Variants in ATR observed in about 807,000 individuals in gnomAD.
ATR encodes the protein ATR checkpoint kinase, also known as serine/threonine-protein kinase ATR.
Under a neutral mutation model 305.3 loss-of-function variants are expected in ATR, and 142 were observed. The ratio of observed to expected loss-of-function variants is 0.47; its 90% CI spans 0.41 to 0.53. The LOEUF (loss-of-function observed/expected upper bound fraction) is 0.53, where lower values mean the gene tolerates loss of function less well. Ranked by LOEUF, ATR falls within the 20% of genes least tolerant of loss-of-function variation. ATR has a pLI of 0.00. For missense variants in ATR, 2,135 were observed against 3,133.1 expected (o/e 0.68, Z 7.60); for synonymous variants, 1,050 against 1,068.1 (o/e 0.98, Z 0.33).
In ATR at chr3:142,515,377, C is replaced by T; in HGVS notation, c.4503+18G>A. On this transcript the variant is annotated intron_variant, in intron 25 of 46. Transcript: ENST00000350721. ...TTAGAATTTCCATTCAGTTAACAAA[C>T]TGAACAGGGTTTCTTACCTTTGTAA... 5.0e-6 allele frequency: 8 copies of T among 1,613,620 alleles called. No individual in the cohort carries two copies. The highest frequency in any genetic ancestry group is 6.8e-6 in the Non-Finnish European group (8 of 1,179,732).
At chr3:142,504,985 AG>A (rs2108354397) in intron 29 of ATR, among the ~76,000 whole-genome samples, 153 bp downstream of exon 29, 1 of 152,244 alleles carries the variant, frequency 6.6e-6, no homozygotes, top group East Asian at 1.9e-4. Flanking sequence ...CAGAGGTTGC[AG>A]TGAGCCAAGA....
In ATR at chr3:142,475,784, G is replaced by A. The variant is rs912081449; in HGVS notation, c.6222-5601C>T. ...GTTGTTTCCTGACTTTTTAATGATC[G>A]CCATTCTAACTGGTGTGAGATGGTA... On this transcript the variant is annotated intron_variant, in intron 36 of 46. Transcript: ENST00000350721. 3.5e-3 allele frequency among the ~76,000 whole-genome samples: 528 copies of A among 152,100 alleles called. 1 individual carries two copies. Among genetic ancestry groups the A allele is most frequent in the Non-Finnish European group, 4.9e-3 (330 of 67,986 alleles).
intron 36 of ATR, among the ~76,000 whole-genome samples, chr3:142,484,207 C>T (rs1288386612): frequency 1.3e-5 from 2 of 152,134 alleles, no homozygotes; most frequent in African/African-American, 4.8e-5. Context: ...AGGATCCTGC[C>T]CCATATCCTA....
rs139224919 is a variant in ATR at position 142,553,361 on chromosome 3, G to C, written c.2671C>G (p.His891Asp). The change falls in exon 13 of 47, where the codon CAC (histidine) becomes GAC (aspartate). Residue 891 changes from histidine (H) to aspartate (D), a missense_variant. Coordinates refer to ENST00000350721, the MANE Select transcript of ATR (RefSeq NM_001184.4). ...KGDLVPFALLHLLHCLLSKSA... is the reference protein window; with the variant it reads ...KGDLVPFALLDLLHCLLSKSA... The stretch of plus-strand genomic sequence containing the variant: ...TTGGATAACAAACAATGCAATAAGT[G>C]TAAGAGTGCAAATGGTACCAAATCT... The C allele has an allele frequency of 1.9e-6, 3 of 1,613,834 alleles. No homozygotes were observed. The African/African-American group carries it at 4.0e-5, about 22-fold the overall frequency.
chr3:142,496,986 A>AT, intron 33 of ATR, 27 bp downstream of exon 33: 2 of 1,601,838 alleles, frequency 1.2e-6, no homozygotes, highest in Admixed American at 1.7e-5. Context: ...GATAAGTGAC[A>AT]TTTTTAAAAA....
In ATR at chr3:142,466,294, A is replaced by G. The variant is rs759381258; in HGVS notation, c.6897+30T>C. ...TGAAGTTTTTAACAACTAAATTTTA[A>G]AATCATAGTCATATAAAACTGAAGT... On this transcript the variant is annotated intron_variant, in intron 40 of 46. Coordinates refer to ENST00000350721, the MANE Select transcript of ATR (RefSeq NM_001184.4). The G allele has an allele frequency of 1.4e-5, 22 of 1,587,946 alleles. No individual in the cohort carries two copies. In the African/African-American group the frequency reaches 2.8e-4, roughly 20 times the overall value.
chr3:142,466,058 T>TA (rs888590395), intron 40 of ATR, among the ~76,000 whole-genome samples: 18 of 137,894 alleles, frequency 1.3e-4, no homozygotes, highest in African/African-American at 4.8e-4. Flanking sequence ...TGTGAAAAAA[T>TA]AAAGATTATA....
chr3:142,492,798 C>T (rs2031367115), intron 35 of ATR, among the ~76,000 whole-genome samples: 1 of 152,094 alleles, frequency 6.6e-6, no homozygotes, highest in Non-Finnish European at 1.5e-5. Context: ...ACAACACCAT[C>T]TATATAAAGT....
At chr3:142,535,037 T>A (rs1260052906) in intron 21 of ATR, 43 bp downstream of exon 21, 1 of 1,564,376 alleles carries the variant, frequency 6.4e-7, no homozygotes, top group East Asian at 2.3e-5. Flanking sequence ...AAGCCTCCAA[T>A]CTTTCTTTGT....
intron 16 of ATR, among the ~76,000 whole-genome samples, chr3:142,544,460 A>G (rs1559980728): frequency 7.0e-6 from 1 of 143,484 alleles, no homozygotes; most frequent in Non-Finnish European, 1.5e-5. Context: ...TCCAAAAAAA[A>G]AAAAAAAAAA....
Position 142,553,892 on chromosome 3 carries a change from A to G in ATR, c.2465T>C (p.Val822Ala), listed in dbSNP as rs1310621757. ...GTGCTTGATATTTCCACTAAAAGCCACTCTAACATCTTTGTCTGGATCTTC... is the reference window on the plus strand; with the variant it reads ...GTGCTTGATATTTCCACTAAAAGCCGCTCTAACATCTTTGTCTGGATCTTC... ...LMEDPDKDVR[V>A]AFSGNIKHIL... The change falls in exon 11 of 47, where the codon GTG becomes GCG. Residue 822 changes from valine to alanine, a missense_variant. This residue lies in a region of ATR where 530 missense variants were observed against 766.8 expected (regional missense o/e 0.69). Coordinates refer to ENST00000350721, the MANE Select transcript of ATR (RefSeq NM_001184.4). 1 of 1,613,318 alleles carries G rather than the reference A, an allele frequency of 6.2e-7. No individual in the cohort carries two copies. Among genetic ancestry groups the G allele is most frequent in the Non-Finnish European group, 8.5e-7 (1 of 1,179,650 alleles).
At chr3:142,452,603 G>T in intron 46 of ATR, 1 of 788,652 alleles carries the variant, frequency 1.3e-6, no homozygotes, top group Non-Finnish European at 1.5e-6. Flanking sequence ...GAACCCAGGA[G>T]GCAGAGGTTG....
At chr3:142,528,269 A>G (rs2033479631) in intron 21 of ATR, among the ~76,000 whole-genome samples, 1 of 152,210 alleles carries the variant, frequency 6.6e-6, no homozygotes, top group Non-Finnish European at 1.5e-5. Flanking sequence ...CTACGTATTT[A>G]TCTACTAACT....
rs982442318 is a variant in ATR, at chr3:142,531,362, G to A, written c.3945+3718C>T. On this transcript the variant is annotated intron_variant, in intron 21 of 46. Transcript: ENST00000350721. Reference sequence around the variant, plus strand: ...GTTGGTGTGCTGCACCCATTAACTCGTCATTTAACATTAGGTATATCTCCT... The same window carrying A: ...GTTGGTGTGCTGCACCCATTAACTCATCATTTAACATTAGGTATATCTCCT... Among the ~76,000 whole-genome samples the A allele has an allele frequency of 3.2e-4, 48 of 151,814 alleles. No individual in the cohort carries two copies. The South Asian group carries it at 3.3e-3, about 11-fold the overall frequency.
intron 20 of ATR, 143 bp from the exon 21 acceptor site, chr3:142,535,348 G>T: frequency 1.2e-6 from 1 of 852,400 alleles, no homozygotes; most frequent in Non-Finnish European, 1.7e-6. Context: ...TCCTTCCTTT[G>T]TACAGCACAA....
In ATR at chr3:142,499,710, C is replaced by T; in HGVS notation, c.5297G>A (p.Trp1766Ter). Residue 1766 changes from tryptophan (W) to a stop codon, truncating the protein, a stop_gained, in exon 31 of 47, where the codon TGG becomes TAG. Coordinates refer to ENST00000350721, the MANE Select transcript of ATR (RefSeq NM_001184.4). LOFTEE classifies it high-confidence loss of function. ...TCTGTACGTGTTTAATTCATCTGTC[C>T]ACTCGGACCTATTAAAAGAAACCCA... The part of the protein sequence containing the change: ...VNGVHANRSE[W>*]TDELNTYRVE... 1 of 1,613,952 alleles carries T rather than the reference C, an allele frequency of 6.2e-7. No individual in the cohort carries two copies. The highest frequency in any genetic ancestry group is 1.1e-5 in the South Asian group (1 of 91,074).
chr3:142,461,244 G>T (rs970507713), intron 42 of ATR, among the ~76,000 whole-genome samples: 12 of 152,066 alleles, frequency 7.9e-5, no homozygotes, highest in African/African-American at 2.9e-4. Context: ...ATTAATTTTA[G>T]CATCCATTAA....
Position 142,457,672 on chromosome 3 carries a change from C to T in ATR, c.7587G>A (p.Glu2529=), listed in dbSNP as rs2070935768. 6.2e-7 allele frequency: 1 copy of T among 1,614,044 alleles called. No homozygotes were observed. Among genetic ancestry groups the T allele is most frequent in the Non-Finnish European group, 8.5e-7 (1 of 1,179,970 alleles). The change falls in exon 45 of 47, where the codon GAG becomes GAA. Residue 2529 remains glutamate (E), a synonymous_variant. Coordinates refer to ENST00000350721, the MANE Select transcript of ATR (RefSeq NM_001184.4). The part of the protein sequence containing the change: ...MVNGMGPMGT[E]GLFRRACEVT... ...CTTCACATGCTCTTCGAAAAAGACC[C>T]TCTGTTCCCATAGGACCCATTCCAT...
At chr3:142,542,636 C>G (rs757582460) in intron 17 of ATR, 29 bp downstream of exon 17, 4 of 1,547,924 alleles carry the variant, frequency 2.6e-6, no homozygotes, top group Non-Finnish European at 3.6e-6. Context: ...TGAATTCTAT[C>G]TTAGCACTCT....
Sources: allele counts gnomAD v4.1 joint callset (sites outside exome capture counted in the v4.1 genomes callset), GRCh38; gene constraint gnomAD v4.1.1; regional missense constraint gnomAD v4.1.1; transcripts MANE v1.5; gene names NCBI Gene and HGNC (gene_info 2026-07-23, HGNC 2026-07-21).